SPAG16: variants seen among roughly 807,000 people sequenced by gnomAD.
The protein encoded by SPAG16 is sperm associated antigen 16.
A neutral mutation model predicts 80.4 loss-of-function variants in SPAG16; 86 were observed. That is an observed-to-expected ratio of 1.07 (90% CI 0.90 to 1.28). SPAG16 has a LOEUF of 1.28. Among genes scored for constraint, SPAG16 ranks in the 50% most tolerant of loss-of-function variants. The pLI, the probability that SPAG16 is intolerant of heterozygous loss-of-function variation, is 0.00. For missense variants in SPAG16, 870 were observed against 765.3 expected (o/e 1.14, Z -1.61); for synonymous variants, 294 against 265.9 (o/e 1.11, Z -1.03).
intron 10 of SPAG16, among the ~76,000 whole-genome samples, chr2:213,602,050 A>G (rs2061084965): frequency 6.6e-6 from 1 of 152,204 alleles, no homozygotes; most frequent in Admixed American, 6.5e-5. Context: ...TAATGCCACT[A>G]CTGATCTGAC....
intron 10 of SPAG16, among the ~76,000 whole-genome samples, chr2:213,548,762 CTT>C (rs1375664038): frequency 1.3e-5 from 2 of 151,932 alleles, no homozygotes; most frequent in Non-Finnish European, 2.9e-5. Flanking sequence ...ATGGTATAAA[CTT>C]TAAATATTTT....
chr2:213,341,267 C>A lies in SPAG16; in HGVS notation c.644+997C>A, dbSNP rs1179821193. Among the ~76,000 whole-genome samples the A allele has an allele frequency of 2.0e-5, 3 of 152,092 alleles. No individual in the cohort carries two copies. The East Asian group carries it at 5.8e-4, about 29-fold the overall frequency. ...AAACTTCAATGATGCCATCAAGTCA[C>A]AAAACTGGGTATCAAGTTAATCAGT... On this transcript the variant is annotated intron_variant, in intron 6 of 15. Coordinates refer to ENST00000331683, the MANE Select transcript of SPAG16 (RefSeq NM_024532.5).
intron 14 of SPAG16, among the ~76,000 whole-genome samples, chr2:214,122,481 A>G (rs2054269358): frequency 6.6e-6 from 1 of 151,896 alleles, no homozygotes; most frequent in South Asian, 2.1e-4. Flanking sequence ...TCCTGTCTCC[A>G]CTTTAGCAAA....
chr2:213,897,741 G>A (rs975955360), intron 11 of SPAG16, among the ~76,000 whole-genome samples: 2 of 152,184 alleles, frequency 1.3e-5, no homozygotes, highest in Admixed American at 1.3e-4. Context: ...TCCAGCTTCT[G>A]CTATAGCTAA....
intron 15 of SPAG16, among the ~76,000 whole-genome samples, chr2:214,379,246 T>A (rs1700311474): frequency 6.6e-6 from 1 of 152,206 alleles, no homozygotes; most frequent in Non-Finnish European, 1.5e-5. Context: ...CCCAACCAAC[T>A]CTGTAGTCAA....
chr2:214,226,128 T>G (rs1175946347), intron 15 of SPAG16, among the ~76,000 whole-genome samples: 1 of 152,128 alleles, frequency 6.6e-6, no homozygotes, highest in African/African-American at 2.4e-5. Flanking sequence ...CATGAAGCAC[T>G]TATGATTTCT....
chr2:213,433,265 C>CAA (rs111421075), intron 9 of SPAG16, among the ~76,000 whole-genome samples: 14,725 of 151,876 alleles, frequency 0.097, 1,862 homozygotes, highest in African/African-American at 0.29. Context: ...AACAATCAGA[C>CAA]GAGAAAGAAT....
At chr2:213,899,382 G>A (rs1392266125) in intron 11 of SPAG16, among the ~76,000 whole-genome samples, 1 of 152,038 alleles carries the variant, frequency 6.6e-6, no homozygotes, top group Non-Finnish European at 1.5e-5. Context: ...CTTTCTAACA[G>A]AGCTACTTGC....
intron 11 of SPAG16, among the ~76,000 whole-genome samples, chr2:213,866,390 T>A (rs2075684636): frequency 5.3e-5 from 8 of 152,062 alleles, no homozygotes; most frequent in Admixed American, 5.2e-4. Flanking sequence ...CATGACCAAG[T>A]AAGAATTGTA....
intron 10 of SPAG16, among the ~76,000 whole-genome samples, chr2:213,813,296 A>G (rs1468721840): frequency 6.6e-6 from 1 of 152,206 alleles, no homozygotes; most frequent in Non-Finnish European, 1.5e-5. Context: ...CAAAGAATAA[A>G]CATTTTAATG....
intron 10 of SPAG16, among the ~76,000 whole-genome samples, chr2:213,560,780 A>T (rs1399382421): frequency 6.6e-6 from 1 of 152,196 alleles, no homozygotes; most frequent in East Asian, 1.9e-4. Context: ...TTTAGTTAGT[A>T]AAAGTTCAGC....
At chr2:213,613,958 A>G (rs1187336236) in intron 10 of SPAG16, among the ~76,000 whole-genome samples, 1 of 152,192 alleles carries the variant, frequency 6.6e-6, no homozygotes, top group Non-Finnish European at 1.5e-5. Context: ...CATTCTTTCA[A>G]TCTCTTTGTC....
rs1002770449 is a variant in SPAG16 at position 213,375,007 on chromosome 2, T to C, written c.833-3T>C. On this transcript the variant is annotated splice_polypyrimidine_tract_variant and splice_region_variant and intron_variant, in intron 8 of 15. Coordinates refer to ENST00000331683, the MANE Select transcript of SPAG16 (RefSeq NM_024532.5). ...ATTAAGAATAAATTATATTATCTTG[T>C]AGTTGATCATAGTCGTGAAAAAGAA... is the stretch of plus-strand genomic sequence containing the variant. 2 of 1,580,962 alleles carry C rather than the reference T, an allele frequency of 1.3e-6. No homozygotes were observed. Among genetic ancestry groups the C allele is most frequent in the South Asian group, 2.3e-5 (2 of 87,994 alleles).
At chr2:213,308,459 C>T (rs925480951) in intron 3 of SPAG16, among the ~76,000 whole-genome samples, 1 of 151,932 alleles carries the variant, frequency 6.6e-6, no homozygotes. Context: ...TTTGCAAATA[C>T]ATATCAATGA....
intron 1 of SPAG16, among the ~76,000 whole-genome samples, chr2:213,290,867 A>G (rs1362615943): frequency 4.6e-5 from 7 of 152,202 alleles, no homozygotes; most frequent in Admixed American, 4.6e-4. Context: ...AGTTTTTCAC[A>G]TACAGTACTC....
At chr2:213,489,381 G>A (rs962415367) in intron 9 of SPAG16, among the ~76,000 whole-genome samples, 3 of 151,980 alleles carry the variant, frequency 2.0e-5, no homozygotes, top group African/African-American at 4.8e-5. Context: ...TGGAGCGGGC[G>A]GTGACCAAGA....
intron 13 of SPAG16, among the ~76,000 whole-genome samples, chr2:214,101,048 A>G (rs1176421548): frequency 3.3e-5 from 5 of 152,122 alleles, no homozygotes; most frequent in Non-Finnish European, 5.9e-5. Flanking sequence ...TTTAGTGATA[A>G]TATGCTTGGC....
At chr2:214,259,049 G>T (rs1576616535) in intron 15 of SPAG16, among the ~76,000 whole-genome samples, 3 of 151,614 alleles carry the variant, frequency 2.0e-5, no homozygotes, top group Admixed American at 6.6e-5. Flanking sequence ...AGTATTACCT[G>T]TTTTTTCTCT....
chr2:214,046,823 T>C (rs1443792350), intron 13 of SPAG16, among the ~76,000 whole-genome samples: 1 of 151,622 alleles, frequency 6.6e-6, no homozygotes, highest in Non-Finnish European at 1.5e-5. Flanking sequence ...TTAAAACTTA[T>C]AAACAAATTC....
Sources: allele counts gnomAD v4.1 joint callset (sites outside exome capture counted in the v4.1 genomes callset), GRCh38; gene constraint gnomAD v4.1.1; transcripts MANE v1.5; gene names NCBI Gene and HGNC (gene_info 2026-07-23, HGNC 2026-07-21).